Variants in CLVS2 observed in about 807,000 individuals in gnomAD.
CLVS2 encodes the protein clavesin 2.
Under a neutral mutation model 29.0 loss-of-function variants are expected in CLVS2, and 19 were observed. That is an observed-to-expected ratio of 0.66 (90% confidence interval 0.46 to 0.96). The LOEUF (loss-of-function observed/expected upper bound fraction) is 0.96, where lower values mean the gene tolerates loss of function less well. CLVS2 is among the 40% of genes least tolerant of loss of function. The pLI, the probability that CLVS2 is intolerant of heterozygous loss-of-function variation, is 0.00. For missense variants in CLVS2, 294 were observed against 404.1 expected (o/e 0.73, Z 2.34); for synonymous variants, 161 against 151.3 (o/e 1.06, Z -0.47).
chr6:123,011,592 T>C (rs751804858), intron 3 of CLVS2, among the ~76,000 whole-genome samples: 13 of 152,140 alleles, frequency 8.5e-5, no homozygotes, highest in Non-Finnish European at 1.8e-4. Context: ...AATATGTTTT[T>C]TGGTCTCTAA....
rs1350857373 is a variant in CLVS2, at chr6:123,063,892, G to A, written c.*131G>A. 1.8e-6 allele frequency: 1 copy of A among 546,650 alleles called. No individual in the cohort carries two copies. Among genetic ancestry groups the A allele is most frequent in the East Asian group, 3.2e-5 (1 of 31,640 alleles). The allele number at this position is 546,650 out of a possible 1,614,324, so 33.9% of individuals were successfully genotyped here. The stretch of plus-strand genomic sequence containing the variant: ...GTTAATGTAGCATAATATATAACAA[G>A]GCATCAGGCTTTCCTTGGCCTGAAC... On this transcript the variant is annotated 3_prime_UTR_variant, in exon 6 of 6. Coordinates refer to ENST00000275162, the MANE Select transcript of CLVS2 (RefSeq NM_001010852.4).
intron 5 of CLVS2, among the ~76,000 whole-genome samples, chr6:123,058,848 A>G (rs1361320795): frequency 6.6e-6 from 1 of 152,018 alleles, no homozygotes; most frequent in Admixed American, 6.6e-5. Flanking sequence ...TGTAGAGACC[A>G]GGTCTCACTA....
intron 3 of CLVS2, among the ~76,000 whole-genome samples, chr6:123,029,490 C>T (rs1251671185): frequency 6.6e-6 from 1 of 152,060 alleles, no homozygotes; most frequent in Non-Finnish European, 1.5e-5. Context: ...GAGAGGTGAT[C>T]ATATACATGA....
At chr6:123,037,170 C>T (rs1775165852) in intron 3 of CLVS2, among the ~76,000 whole-genome samples, 1 of 152,030 alleles carries the variant, frequency 6.6e-6, no homozygotes, top group South Asian at 2.1e-4. Context: ...TTGAAATTCA[C>T]ATCACTCTCT....
At chr6:123,044,794 C>T (rs1772456076) in intron 3 of CLVS2, among the ~76,000 whole-genome samples, 1 of 152,024 alleles carries the variant, frequency 6.6e-6, no homozygotes, top group African/African-American at 2.4e-5. Flanking sequence ...GCTATGTGGC[C>T]TTCTATCTTG....
intron 5 of CLVS2, among the ~76,000 whole-genome samples, chr6:123,058,521 A>C (rs930190080): frequency 6.6e-6 from 1 of 151,936 alleles, no homozygotes; most frequent in African/African-American, 2.4e-5. Context: ...ACCCCCTAAA[A>C]ATTATTTAAC....
At chr6:123,032,444 TA>T (rs1411170488) in intron 3 of CLVS2, among the ~76,000 whole-genome samples, 4 of 152,016 alleles carry the variant, frequency 2.6e-5, no homozygotes, top group African/African-American at 9.7e-5. Flanking sequence ...AAATATCGAG[TA>T]AAAAATCTTA....
rs1037965594 is a variant in CLVS2 at position 123,069,954 on chromosome 6, A to T, written c.*6193A>T. 1.3e-5 allele frequency: 2 copies of T among 151,968 alleles called. No homozygotes were observed. Among genetic ancestry groups the T allele is most frequent in the Non-Finnish European group, 2.9e-5 (2 of 67,916 alleles). The allele number at this position is 151,968 out of a possible 1,614,324, so 9.4% of individuals were successfully genotyped here. A position where few individuals can be genotyped will look rare whatever the true frequency, so the allele number is the denominator to read the frequency against. ...AGCCACAAATGCATTGTTGCCACTT[A>T]AGAAAAAAATCCTATGTTATACATA... On this transcript the variant is annotated 3_prime_UTR_variant, in exon 6 of 6. Transcript: ENST00000275162.
intron 3 of CLVS2, among the ~76,000 whole-genome samples, chr6:123,014,980 A>T (rs962766352): frequency 4.6e-5 from 7 of 152,034 alleles, no homozygotes; most frequent in Admixed American, 2.6e-4. Context: ...AGCTCTAGGC[A>T]TAGCTGGAAA....
rs1772874333 is a variant in CLVS2 at position 123,067,069 on chromosome 6, T to A, written c.*3308T>A. On this transcript the variant is annotated 3_prime_UTR_variant, in exon 6 of 6. Transcript: ENST00000275162. ...CATAAGTGTAGACAGAGATATTTCCTAAGTTTTTTCATATAGAATACTTAT... is the reference window on the plus strand; with the variant it reads ...CATAAGTGTAGACAGAGATATTTCCAAAGTTTTTTCATATAGAATACTTAT... 6.6e-6 allele frequency: 1 copy of A among 151,760 alleles called. No homozygotes were observed. Among genetic ancestry groups the A allele is most frequent in the Non-Finnish European group, 1.5e-5 (1 of 67,768 alleles). The allele number at this position is 151,760 out of a possible 1,614,324, so 9.4% of individuals were successfully genotyped here.
chr6:123,051,825 C>T (rs1490015752), intron 4 of CLVS2, among the ~76,000 whole-genome samples: 1 of 152,088 alleles, frequency 6.6e-6, no homozygotes, highest in African/African-American at 2.4e-5. Flanking sequence ...GACCAAACTT[C>T]TTGCATGAAA....
chr6:123,018,870 TGAGTATAA>T (rs890931441), intron 3 of CLVS2, among the ~76,000 whole-genome samples: 1 of 152,050 alleles, frequency 6.6e-6, no homozygotes, highest in African/African-American at 2.4e-5. Flanking sequence ...AAAACATGGA[TGAGTATAA>T]GGTCATTACT....
At position 123,069,332 on chromosome 6, in the gene CLVS2, C is replaced by T. The variant is rs1582670520; in HGVS notation, c.*5571C>T. On this transcript the variant is annotated 3_prime_UTR_variant, in exon 6 of 6. Transcript: ENST00000275162. Reference sequence around the variant, plus strand: ...TAAATAAATCCTCAAAAAAGTAATCCCAGGTCAAAATATGATGTGAAATTA... The same window carrying T: ...TAAATAAATCCTCAAAAAAGTAATCTCAGGTCAAAATATGATGTGAAATTA... 1 of 151,042 alleles carries T rather than the reference C, an allele frequency of 6.6e-6. No individual in the cohort carries two copies. The highest frequency in any genetic ancestry group is 1.5e-5 in the Non-Finnish European group (1 of 67,630). 9.4% of individuals were successfully genotyped at this position (151,042 alleles called of 1,614,324 possible). A position where few individuals can be genotyped will look rare whatever the true frequency, so the allele number is the denominator to read the frequency against.
chr6:123,002,057 A>G (rs1200499450), intron 2 of CLVS2, among the ~76,000 whole-genome samples: 1 of 152,232 alleles, frequency 6.6e-6, no homozygotes, highest in East Asian at 1.9e-4. Flanking sequence ...TATGGTTAAT[A>G]GTCATTAGAA....
At chr6:123,050,525 G>C (rs889738161) in intron 4 of CLVS2, among the ~76,000 whole-genome samples, 1 of 152,180 alleles carries the variant, frequency 6.6e-6, no homozygotes, top group Non-Finnish European at 1.5e-5. Context: ...ATGGGAAAGA[G>C]AGTTTCAGGC....
chr6:123,029,639 A>AAAT (rs2114331859), intron 3 of CLVS2, among the ~76,000 whole-genome samples: 1 of 152,294 alleles, frequency 6.6e-6, no homozygotes, highest in Admixed American at 6.5e-5. Context: ...CTGTAAAAAA[A>AAAT]AATAAGTTTT....
intron 3 of CLVS2, among the ~76,000 whole-genome samples, chr6:123,026,712 G>A (rs1201542347): frequency 6.6e-6 from 1 of 152,114 alleles, no homozygotes; most frequent in Admixed American, 6.6e-5. Flanking sequence ...TGCTAATATT[G>A]TACCTGGCAT....
At position 123,016,473 on chromosome 6, in the gene CLVS2, A is replaced by G. The variant is rs1271564242; in HGVS notation, c.564+5314A>G. Reference sequence around the variant, plus strand: ...ATGATTTTTAGCTTATCCTAGCCCTACCCTGCTGCCCTTGAGACATATTTA... The same window carrying G: ...ATGATTTTTAGCTTATCCTAGCCCTGCCCTGCTGCCCTTGAGACATATTTA... On this transcript the variant is annotated intron_variant, in intron 3 of 5. Coordinates refer to ENST00000275162, the MANE Select transcript of CLVS2 (RefSeq NM_001010852.4). 4.0e-5 allele frequency among the ~76,000 whole-genome samples: 6 copies of G among 151,842 alleles called. No individual in the cohort carries two copies. The South Asian group carries it at 8.3e-4, about 21-fold the overall frequency.
Position 123,041,480 on chromosome 6 carries a change from C to CAAAA in CLVS2, c.565-7140_565-7139insAAAA, listed in dbSNP as rs1466550256. 4.0e-5 allele frequency among the ~76,000 whole-genome samples: 6 copies of CAAAA among 151,824 alleles called. No homozygotes were observed. In the South Asian group the frequency reaches 1.3e-3, roughly 32 times the overall value. ...CTAATTAACTTTAAAACAGCAATAA[C>CAAAA]AACAAACAAACACCCTCAGACAGAA... On this transcript the variant is annotated intron_variant, in intron 3 of 5. Transcript: ENST00000275162.
Sources: allele counts gnomAD v4.1 joint callset (sites outside exome capture counted in the v4.1 genomes callset), GRCh38; gene constraint gnomAD v4.1.1; transcripts MANE v1.5; gene names NCBI Gene and HGNC (gene_info 2026-07-23, HGNC 2026-07-21).